Variants in CCDC146 observed in about 807,000 individuals in gnomAD.
CCDC146 encodes the protein coiled-coil domain-containing protein 146.
Under a neutral mutation model 119.3 loss-of-function variants are expected in CCDC146, and 92 were observed. The ratio of observed to expected loss-of-function variants is 0.77; its 90% CI spans 0.65 to 0.92. CCDC146 has a LOEUF of 0.92. Among genes scored for constraint, CCDC146 ranks in the 40% least tolerant of loss-of-function variants. CCDC146 has a pLI of 0.00. For missense variants in CCDC146, 1,000 were observed against 1,103.0 expected (o/e 0.91, Z 1.32); for synonymous variants, 372 against 371.8 (o/e 1.00, Z -0.01).
intron 5 of CCDC146, among the ~76,000 whole-genome samples, chr7:77,256,048 G>A (rs61572768): frequency 0.066 from 9,961 of 152,068 alleles, 1,053 homozygotes; most frequent in African/African-American, 0.23. Flanking sequence ...AAAATGAAAC[G>A]TTTTTAAATG....
chr7:77,290,993 C>T (rs1244735398), intron 17 of CCDC146, among the ~76,000 whole-genome samples: 3 of 152,204 alleles, frequency 2.0e-5, no homozygotes, highest in African/African-American at 2.4e-5. Context: ...TTCATTCATT[C>T]CTTCATTCAG....
At chr7:77,183,421 AG>A (rs1291577335) in intron 2 of CCDC146, among the ~76,000 whole-genome samples, 3 of 152,106 alleles carry the variant, frequency 2.0e-5, no homozygotes, top group African/African-American at 7.2e-5. Context: ...CCTTATTACA[AG>A]GATTAAGTGT....
intron 9 of CCDC146, among the ~76,000 whole-genome samples, chr7:77,264,310 A>G (rs2150520535): frequency 6.6e-6 from 1 of 152,192 alleles, no homozygotes. Context: ...CCCAGGCTGA[A>G]GTGCAGGCAC....
intron 13 of CCDC146, among the ~76,000 whole-genome samples, chr7:77,279,449 T>A (rs1793721995): frequency 6.6e-6 from 1 of 152,186 alleles, no homozygotes; most frequent in Non-Finnish European, 1.5e-5. Flanking sequence ...ACTATGATGA[T>A]TTTCACCTGC....
intron 9 of CCDC146, among the ~76,000 whole-genome samples, chr7:77,266,802 C>A (rs1266728471): frequency 6.6e-6 from 1 of 151,784 alleles, no homozygotes; most frequent in African/African-American, 2.4e-5. Flanking sequence ...AATTTATATT[C>A]TTAAGTGACA....
intron 9 of CCDC146, among the ~76,000 whole-genome samples, chr7:77,269,605 C>T (rs534900626): frequency 2.6e-5 from 4 of 152,256 alleles, no homozygotes; most frequent in South Asian, 2.1e-4. Flanking sequence ...CAGTGGAATG[C>T]GCACAAGTTG....
intron 4 of CCDC146, among the ~76,000 whole-genome samples, chr7:77,244,315 T>C (rs543378036): frequency 6.6e-6 from 1 of 152,308 alleles, no homozygotes; most frequent in South Asian, 2.1e-4. Flanking sequence ...AAATATTTTT[T>C]ATAAATGTAG....
chr7:77,182,045 T>G (rs914241866), intron 2 of CCDC146, among the ~76,000 whole-genome samples: 1 of 152,336 alleles, frequency 6.6e-6, no homozygotes, highest in East Asian at 1.9e-4. Context: ...AAAATTTCTT[T>G]ACCCCTTTTC....
chr7:77,231,669 T>C (rs1175628634), intron 2 of CCDC146, among the ~76,000 whole-genome samples: 2 of 152,242 alleles, frequency 1.3e-5, no homozygotes, highest in South Asian at 4.1e-4. Flanking sequence ...ACTGACAATC[T>C]CTATTTGATG....
chr7:77,214,814 G>A (rs79349573), intron 2 of CCDC146, among the ~76,000 whole-genome samples: 2,975 of 151,976 alleles, frequency 0.02, 91 homozygotes, highest in East Asian at 0.14. Flanking sequence ...CACCAGTACC[G>A]TGCTATTTTG....
chr7:77,154,282 C>A (rs1454109408), intron 1 of CCDC146, among the ~76,000 whole-genome samples: 1 of 151,914 alleles, frequency 6.6e-6, no homozygotes, highest in Admixed American at 6.6e-5. Flanking sequence ...TTTAAACTAA[C>A]AAAACTGAAT....
At chr7:77,153,178 C>T (rs529491324) in intron 1 of CCDC146, among the ~76,000 whole-genome samples, 2 of 152,292 alleles carry the variant, frequency 1.3e-5, no homozygotes, top group East Asian at 3.9e-4. Context: ...ACCTGGCTAA[C>T]AGAAATCAGT....
Position 77,189,478 on chromosome 7 carries a change from G to A in CCDC146, c.156+21654G>A, listed in dbSNP as rs151270396. Among the ~76,000 whole-genome samples, 395 of 152,224 alleles carry A rather than the reference G, an allele frequency of 2.6e-3. 1 individual carries two copies. The highest frequency in any genetic ancestry group is 8.8e-3 in the African/African-American group (366 of 41,544). ...TTCAATCCTTGGTTCCCTACAGTCT[G>A]TTTTCCACTTAGCTACAAAAGCGAC... On this transcript the variant is annotated intron_variant, in intron 2 of 18. Coordinates refer to ENST00000285871, the MANE Select transcript of CCDC146 (RefSeq NM_020879.3).
At chr7:77,267,263 G>A (rs1018372665) in intron 9 of CCDC146, among the ~76,000 whole-genome samples, 9 of 152,116 alleles carry the variant, frequency 5.9e-5, no homozygotes, top group African/African-American at 2.2e-4. Flanking sequence ...AAAGTGCTGG[G>A]ATTACAGGTG....
chr7:77,279,641 A>G (rs1422781443), intron 13 of CCDC146, among the ~76,000 whole-genome samples: 2 of 152,156 alleles, frequency 1.3e-5, no homozygotes, highest in Non-Finnish European at 2.9e-5. Flanking sequence ...CACCCCTCCC[A>G]CTTATTACCT....
chr7:77,216,412 T>C (rs891639874), intron 2 of CCDC146, among the ~76,000 whole-genome samples: 1 of 152,142 alleles, frequency 6.6e-6, no homozygotes, highest in African/African-American at 2.4e-5. Flanking sequence ...TTATAAAAAA[T>C]AGTTACTGAT....
At chr7:77,137,086 C>G (rs113459311) in intron 1 of CCDC146, among the ~76,000 whole-genome samples, 1,769 of 152,238 alleles carry the variant, frequency 0.012, 26 homozygotes, top group African/African-American at 0.04. Context: ...TCTGAGTAAA[C>G]TAGGACTAGA....
chr7:77,130,604 T>C (rs1376148158), intron 1 of CCDC146, among the ~76,000 whole-genome samples: 1 of 149,288 alleles, frequency 6.7e-6, no homozygotes, highest in Non-Finnish European at 1.5e-5. Context: ...TTTCTTTTTT[T>C]TTTTTTTTTT....
At chr7:77,282,492 C>G in intron 14 of CCDC146, 65 bp from the exon 15 acceptor site, 1 of 1,094,228 alleles carries the variant, frequency 9.1e-7, no homozygotes, top group Non-Finnish European at 1.3e-6. Flanking sequence ...CAGAGGGAAC[C>G]ACAATGACTA....
Sources: gnomAD v4.1 joint callset for allele counts (sites outside exome capture counted in the v4.1 genomes callset) on GRCh38, gnomAD v4.1.1 for gene constraint, MANE v1.5 for transcripts, NCBI Gene and HGNC (gene_info 2026-07-23, HGNC 2026-07-21) for gene names.